OTOGL: variants seen among roughly 807,000 people sequenced by gnomAD.
The protein encoded by OTOGL is otogelin-like protein.
OTOGL carries 285 observed loss-of-function variants against 318.5 expected under a neutral mutation model. The ratio of observed to expected loss-of-function variants is 0.89; its 90% CI spans 0.81 to 0.99. The LOEUF (loss-of-function observed/expected upper bound fraction) is 0.99. OTOGL is among the 50% of genes least tolerant of loss of function. OTOGL has a pLI of 0.00. For missense variants in OTOGL, 2,899 were observed against 2,845.6 expected (o/e 1.02, Z -0.43); for synonymous variants, 987 against 936.5 (o/e 1.05, Z -0.99).
At chr12:80,104,440 G>A (rs928431841) in intron 1 of OTOGL, among the ~76,000 whole-genome samples, 18 of 152,206 alleles carry the variant, frequency 1.2e-4, no homozygotes, top group Non-Finnish European at 4.4e-5. Flanking sequence ...CAAGAGAGGC[G>A]TGTTCTTTCC....
At chr12:80,297,058 C>A in intron 27 of OTOGL, 97 bp downstream of exon 27, 1 of 1,152,748 alleles carries the variant, frequency 8.7e-7, no homozygotes, top group Non-Finnish European at 1.2e-6. Context: ...TGTAAATGGT[C>A]ATGAGATCTA....
In OTOGL at chr12:80,266,541, G is replaced by T. The variant is rs1353482672; in HGVS notation, c.2315G>T (p.Ser772Ile). ...CISLSSPEQCSDDCAEGCNCP... is the reference protein window; with the variant it reads ...CISLSSPEQCIDDCAEGCNCP... ...TCTCTCTCTTCCCCGGAGCAGTGCA[G>T]TGATGACTGTGCTGAAGGCTGTAAT... The change falls in exon 21 of 59, where the codon AGT becomes ATT. Residue 772 changes from serine (S) to isoleucine (I), a missense_variant. This residue lies in a region of OTOGL where 2,607 missense variants were observed against 2,524.9 expected (regional missense o/e 1.03). Coordinates refer to ENST00000547103, the MANE Select transcript of OTOGL (RefSeq NM_001378609.3). 2.5e-6 allele frequency: 4 copies of T among 1,613,462 alleles called. No homozygotes were observed. The highest frequency in any genetic ancestry group is 3.4e-6 in the Non-Finnish European group (4 of 1,179,756).
chr12:80,281,321 G>T (rs535344713), intron 26 of OTOGL, among the ~76,000 whole-genome samples: 2 of 151,872 alleles, frequency 1.3e-5, no homozygotes, highest in East Asian at 1.9e-4. Flanking sequence ...GAATGATGTT[G>T]GTTGTGGGTT....
At chr12:80,205,090 C>T (rs1876721803) in intron 1 of OTOGL, among the ~76,000 whole-genome samples, 2 of 152,112 alleles carry the variant, frequency 1.3e-5, no homozygotes, top group Admixed American at 1.3e-4. Context: ...CATTCTTTCT[C>T]AACAACTCTA....
intron 27 of OTOGL, among the ~76,000 whole-genome samples, chr12:80,301,603 AT>A (rs1885764541): frequency 6.6e-6 from 1 of 152,026 alleles, no homozygotes; most frequent in African/African-American, 2.4e-5. Flanking sequence ...GTTTGGAAGG[AT>A]TTCTTCTCCA....
chr12:80,205,445 T>A (rs887713310), intron 1 of OTOGL, among the ~76,000 whole-genome samples: 1 of 152,228 alleles, frequency 6.6e-6, no homozygotes, highest in Non-Finnish European at 1.5e-5. Flanking sequence ...ACACAGATAC[T>A]GCTTATGAAA....
In OTOGL at chr12:80,358,888, A is replaced by G. The variant is rs570814409; in HGVS notation, c.6255A>G (p.Pro2085=). ...CECNCENLIM[P]TCEVGEFTAI... ...GTAACTGTGAAAACCTTATTATGCCAACTTGTGAAGTGGTAAGAACACATA... is the reference window on the plus strand; with the variant it reads ...GTAACTGTGAAAACCTTATTATGCCGACTTGTGAAGTGGTAAGAACACATA... The change falls in exon 52 of 59, where the codon CCA becomes CCG. Residue 2085 remains proline, a synonymous_variant. Coordinates refer to ENST00000547103, the MANE Select transcript of OTOGL (RefSeq NM_001378609.3). The G allele has an allele frequency of 2.6e-5, 39 of 1,497,946 alleles. No individual in the cohort carries two copies. The highest frequency in any genetic ancestry group is 3.5e-5 in the Non-Finnish European group (39 of 1,112,392). 92.8% of individuals were successfully genotyped at this position (1,497,946 alleles called of 1,614,324 possible).
chr12:80,358,953 C>A, intron 52 of OTOGL, 53 bp downstream of exon 52: 2 of 1,306,758 alleles, frequency 1.5e-6, no homozygotes, highest in Admixed American at 4.9e-5. Flanking sequence ...TCTGTTTATT[C>A]TTCCTTTATC....
chr12:80,135,811 G>A (rs1871532450), intron 1 of OTOGL, among the ~76,000 whole-genome samples: 1 of 152,170 alleles, frequency 6.6e-6, no homozygotes, highest in African/African-American at 2.4e-5. Flanking sequence ...CCTTCCATAA[G>A]GTGGGTGGGT....
intron 10 of OTOGL, 123 bp from the exon 11 acceptor site, chr12:80,239,210 T>G: frequency 1.0e-6 from 1 of 959,336 alleles, no homozygotes; most frequent in South Asian, 2.1e-5. Context: ...AGTTAAAATG[T>G]ATAAGTTACC....
At chr12:80,122,329 A>G (rs1453862124) in intron 1 of OTOGL, among the ~76,000 whole-genome samples, 1 of 152,142 alleles carries the variant, frequency 6.6e-6, no homozygotes, top group Non-Finnish European at 1.5e-5. Context: ...TTATGCAACC[A>G]TTATGACATA....
intron 44 of OTOGL, among the ~76,000 whole-genome samples, chr12:80,345,257 G>C (rs911106152): frequency 7.3e-6 from 1 of 137,282 alleles, no homozygotes; most frequent in African/African-American, 2.8e-5. Flanking sequence ...GAAGAGTCTT[G>C]CTCTGTCATC....
At chr12:80,202,847 T>C (rs564945881) in intron 1 of OTOGL, among the ~76,000 whole-genome samples, 5 of 152,192 alleles carry the variant, frequency 3.3e-5, no homozygotes, top group Non-Finnish European at 5.9e-5. Context: ...TCCATTCTCC[T>C]ACTTCTTTCT....
chr12:80,181,204 T>G (rs1874895903), intron 1 of OTOGL, among the ~76,000 whole-genome samples: 1 of 152,210 alleles, frequency 6.6e-6, no homozygotes, highest in Non-Finnish European at 1.5e-5. Context: ...ATACTTTTTT[T>G]TATTTATTGT....
intron 28 of OTOGL, among the ~76,000 whole-genome samples, chr12:80,304,217 T>C (rs993413240): frequency 4.6e-5 from 7 of 152,320 alleles, no homozygotes; most frequent in Non-Finnish European, 1.0e-4. Context: ...TATCCATTCA[T>C]GGTTGAATAT....
chr12:80,305,673 G>A lies in OTOGL; in HGVS notation c.3311G>A (p.Gly1104Glu). 6.4e-7 allele frequency: 1 copy of A among 1,570,764 alleles called. No homozygotes were observed. Among genetic ancestry groups the A allele is most frequent in the Non-Finnish European group, 8.6e-7 (1 of 1,169,046 alleles). ...GAAGTGAGAAATGCTCGGGTATTTGGAGATAGTTGGGCATTAGGACAGGTA... is the reference window on the plus strand; with the variant it reads ...GAAGTGAGAAATGCTCGGGTATTTGAAGATAGTTGGGCATTAGGACAGGTA... ...NLEVRNARVF[G>E]DSWALGQCES... Residue 1104 changes from glycine to glutamate, a missense_variant, in exon 29 of 59, where the codon GGA becomes GAA. Physicochemically the swap from Gly to Glu is moderately conservative, Grantham distance 98. Transcript: ENST00000547103.
intron 1 of OTOGL, among the ~76,000 whole-genome samples, chr12:80,105,010 C>T (rs946787777): frequency 6.6e-6 from 1 of 152,054 alleles, no homozygotes; most frequent in Non-Finnish European, 1.5e-5. Flanking sequence ...GCAGGAGAAT[C>T]GCTTGAACCA....
At chr12:80,177,958 A>T (rs577493462) in intron 1 of OTOGL, among the ~76,000 whole-genome samples, 289 of 152,074 alleles carry the variant, frequency 1.9e-3, no homozygotes, top group African/African-American at 6.6e-3. Flanking sequence ...TTACAGAAAC[A>T]TGAGTTATTT....
intron 1 of OTOGL, chr12:80,132,506 C>A (rs1270824849): frequency 6.6e-6 from 1 of 152,244 alleles, no homozygotes; most frequent in Non-Finnish European, 1.5e-5. Flanking sequence ...TTAATCCATG[C>A]AGCTAAGACT....
Sources: allele counts gnomAD v4.1 joint callset (sites outside exome capture counted in the v4.1 genomes callset), GRCh38; gene constraint gnomAD v4.1.1; regional missense constraint gnomAD v4.1.1; transcripts MANE v1.5; gene names NCBI Gene and HGNC (gene_info 2026-07-23, HGNC 2026-07-21).